EXOC4: variants seen among roughly 807,000 people sequenced by gnomAD.
EXOC4 encodes the protein SEC8-like 1.
EXOC4 carries 71 observed loss-of-function variants against 107.2 expected under a neutral mutation model. That is an observed-to-expected ratio of 0.66 (90% CI 0.55 to 0.81). The LOEUF (loss-of-function observed/expected upper bound fraction) is 0.81. Ranked by LOEUF, EXOC4 falls within the 30% of genes least tolerant of loss-of-function variation. EXOC4 has a pLI of 0.00. For missense variants in EXOC4, 1,108 were observed against 1,189.6 expected (o/e 0.93, Z 1.01); for synonymous variants, 456 against 441.2 (o/e 1.03, Z -0.42).
At chr7:133,807,790 A>C (rs567358746) in intron 10 of EXOC4, among the ~76,000 whole-genome samples, 1 of 152,300 alleles carries the variant, frequency 6.6e-6, no homozygotes, top group East Asian at 1.9e-4. Flanking sequence ...AAGTCACTTC[A>C]ATTTCCAAAT....
chr7:133,409,377 G>C (rs1024242671), intron 7 of EXOC4, among the ~76,000 whole-genome samples: 1 of 152,206 alleles, frequency 6.6e-6, no homozygotes, highest in Non-Finnish European at 1.5e-5. Flanking sequence ...CATGCTATAA[G>C]CACAGTGATT....
rs1161686928 is a variant in EXOC4 at position 133,501,981 on chromosome 7, G to A, written c.1417+21843G>A. Among the ~76,000 whole-genome samples, 4 of 152,102 alleles carry A rather than the reference G, an allele frequency of 2.6e-5. No homozygotes were observed. In the East Asian group the frequency reaches 7.7e-4, roughly 29 times the overall value. On this transcript the variant is annotated intron_variant, in intron 9 of 17. Transcript: ENST00000253861. ...ATTAAAACCAGGGCGATTTATGACTGAGAATTAATTAGAGAAGCATTTTCA... is the reference window on the plus strand; with the variant it reads ...ATTAAAACCAGGGCGATTTATGACTAAGAATTAATTAGAGAAGCATTTTCA...
intron 14 of EXOC4, among the ~76,000 whole-genome samples, chr7:133,976,807 T>A (rs770531692): frequency 6.6e-6 from 1 of 152,358 alleles, no homozygotes; most frequent in South Asian, 2.1e-4. Flanking sequence ...TTAGCTCTTA[T>A]GTCCTAACAA....
intron 7 of EXOC4, among the ~76,000 whole-genome samples, chr7:133,387,353 C>T (rs1013117129): frequency 2.0e-5 from 3 of 152,174 alleles, no homozygotes; most frequent in African/African-American, 7.2e-5. Flanking sequence ...TGGGAAGGTG[C>T]TTTAATGTAC....
intron 5 of EXOC4, among the ~76,000 whole-genome samples, chr7:133,318,356 C>T (rs573571456): frequency 6.6e-6 from 1 of 152,260 alleles, no homozygotes; most frequent in Admixed American, 6.5e-5. Context: ...CTTGCCTTTG[C>T]AGAGGGTTCA....
chr7:133,476,905 G>A (rs10270803), intron 8 of EXOC4, among the ~76,000 whole-genome samples: 3,366 of 152,116 alleles, frequency 0.022, 90 homozygotes, highest in African/African-American at 0.067. Flanking sequence ...GTTTTCTATT[G>A]CGATCACGAG....
rs559380206 is a variant in EXOC4 at position 133,915,197 on chromosome 7, A to G, written c.1872-2386A>G. Among the ~76,000 whole-genome samples the G allele has an allele frequency of 3.5e-4, 53 of 152,188 alleles. 1 individual carries two copies. The highest frequency in any genetic ancestry group is 9.8e-4 in the Admixed American group (15 of 15,296). ...CCTTTGATGATTGCCTTTGAAGGAG[A>G]GGGAGCAGCTTTGTTAGAGAGGAAT... On this transcript the variant is annotated intron_variant, in intron 12 of 17. Coordinates refer to ENST00000253861, the MANE Select transcript of EXOC4 (RefSeq NM_021807.4).
intron 17 of EXOC4, among the ~76,000 whole-genome samples, chr7:134,017,978 GATAGCGAGT>G (rs1794947907): frequency 6.6e-6 from 1 of 152,226 alleles, no homozygotes; most frequent in Non-Finnish European, 1.5e-5. Flanking sequence ...GATTAGCATA[GATAGCGAGT>G]ATTATTATTA....
intron 14 of EXOC4, among the ~76,000 whole-genome samples, chr7:133,971,334 G>A (rs1034650991): frequency 2.2e-4 from 9 of 41,794 alleles, no homozygotes; most frequent in South Asian, 1.5e-3. Flanking sequence ...GGGAAAATGT[G>A]TATATATATA....
rs1044402267 is a variant in EXOC4 at position 133,895,305 on chromosome 7, C to T, written c.1735-294C>T. ...CTTCGGCTCGCGCACGGTGCGCGCA[C>T]CCACTGGCCTGCGCCCACTGTCTGG... On this transcript the variant is annotated intron_variant, in intron 11 of 17. Transcript: ENST00000253861. The T allele has an allele frequency of 5.3e-5, 17 of 322,200 alleles. No homozygotes were observed. The Admixed American group carries it at 7.1e-4, about 13-fold the overall frequency. 20.0% of individuals were successfully genotyped at this position (322,200 alleles called of 1,614,324 possible). A position where few individuals can be genotyped will look rare whatever the true frequency, so the allele number is the denominator to read the frequency against.
intron 9 of EXOC4, among the ~76,000 whole-genome samples, chr7:133,607,501 C>T (rs1426191564): frequency 1.3e-5 from 2 of 152,150 alleles, no homozygotes; most frequent in African/African-American, 2.4e-5. Flanking sequence ...TGTACCTAAG[C>T]ATTATCTGCA....
At chr7:133,816,376 A>C (rs1018125016) in intron 10 of EXOC4, among the ~76,000 whole-genome samples, 1 of 152,216 alleles carries the variant, frequency 6.6e-6, no homozygotes, top group Non-Finnish European at 1.5e-5. Flanking sequence ...TAATAAATCT[A>C]TACTCATCTC....
chr7:133,379,428 T>C (rs1399174699), intron 7 of EXOC4, among the ~76,000 whole-genome samples: 1 of 152,030 alleles, frequency 6.6e-6, no homozygotes, highest in Non-Finnish European at 1.5e-5. Flanking sequence ...ACTTTAAACA[T>C]AAAATTAAAT....
chr7:134,034,383 G>C (rs1428015466), intron 17 of EXOC4, among the ~76,000 whole-genome samples: 2 of 152,192 alleles, frequency 1.3e-5, no homozygotes, highest in African/African-American at 4.8e-5. Flanking sequence ...AGGCCTCAAG[G>C]CTGTGATATA....
At chr7:133,519,368 A>C (rs529831435) in intron 9 of EXOC4, among the ~76,000 whole-genome samples, 2 of 152,282 alleles carry the variant, frequency 1.3e-5, no homozygotes, top group South Asian at 2.1e-4. Flanking sequence ...GGCTGCAGTA[A>C]GCTGAGATTA....
chr7:133,841,788 T>C (rs578027165), intron 11 of EXOC4, among the ~76,000 whole-genome samples: 33 of 152,252 alleles, frequency 2.2e-4, no homozygotes, highest in African/African-American at 7.7e-4. Flanking sequence ...ACCCAATAGG[T>C]AGTTTCTCAG....
intron 5 of EXOC4, among the ~76,000 whole-genome samples, chr7:133,321,729 G>A (rs529722437): frequency 6.0e-4 from 91 of 152,288 alleles, no homozygotes; most frequent in Middle Eastern, 3.4e-3. Flanking sequence ...TAATCTTTGG[G>A]TATATACCCA....
At chr7:134,085,211 C>G in the EXOC4 span, among the ~76,000 whole-genome samples, 1 of 152,112 alleles carries the variant, frequency 6.6e-6, no homozygotes, top group South Asian at 2.1e-4. Flanking sequence ...CACTTTAATA[C>G]ATCATAACTG....
chr7:133,335,146 A>C (rs936731640), intron 5 of EXOC4, among the ~76,000 whole-genome samples: 1 of 152,242 alleles, frequency 6.6e-6, no homozygotes, highest in Admixed American at 6.5e-5. Flanking sequence ...GGGATAGCTC[A>C]ATCAAAAGGT....
Sources: allele counts gnomAD v4.1 joint callset (sites outside exome capture counted in the v4.1 genomes callset), GRCh38; gene constraint gnomAD v4.1.1; transcripts MANE v1.5; gene names NCBI Gene and HGNC (gene_info 2026-07-23, HGNC 2026-07-21).